DPP10: variants seen among roughly 807,000 people sequenced by gnomAD.
DPP10 encodes inactive dipeptidyl peptidase 10.
In DPP10, 33 loss-of-function variants were observed where a neutral mutation model predicts 120.9. The observed-to-expected ratio is 0.27, with a 90% CI of 0.21 to 0.37. DPP10 has a LOEUF of 0.37. DPP10 is among the 10% of genes least tolerant of loss of function. The pLI is 1.00. For synonymous variants in DPP10, 337 were observed against 326.1 expected (o/e 1.03, Z -0.36); for missense variants, 816 against 942.8 (o/e 0.87, Z 1.76).
chr2:114,969,844 A>G (rs2104779130), intron 1 of DPP10, among the ~76,000 whole-genome samples: 1 of 152,310 alleles, frequency 6.6e-6, no homozygotes. Flanking sequence ...TCAATAGAGA[A>G]GAAAGCCCCC....
At chr2:115,034,130 C>A (rs560780975) in intron 1 of DPP10, among the ~76,000 whole-genome samples, 1 of 151,694 alleles carries the variant, frequency 6.6e-6, no homozygotes, top group Non-Finnish European at 1.5e-5. Flanking sequence ...CTTTTGACCT[C>A]GTGATCTGCC....
chr2:114,965,141 T>A (rs1386932819), intron 1 of DPP10, among the ~76,000 whole-genome samples: 2 of 151,956 alleles, frequency 1.3e-5, no homozygotes, highest in Non-Finnish European at 2.9e-5. Context: ...CTTTCTTTCT[T>A]TCTTTCTTTT....
intron 1 of DPP10, among the ~76,000 whole-genome samples, chr2:115,035,640 C>T (rs1030294435): frequency 6.6e-6 from 1 of 152,162 alleles, no homozygotes; most frequent in African/African-American, 2.4e-5. Flanking sequence ...TTATAACCCA[C>T]TTCATTCCTC....
At chr2:115,590,669 T>A (rs2082601661) in intron 5 of DPP10, among the ~76,000 whole-genome samples, 1 of 152,228 alleles carries the variant, frequency 6.6e-6, no homozygotes. Context: ...TTACAGTCCT[T>A]TGGGTATATA....
intron 4 of DPP10, among the ~76,000 whole-genome samples, chr2:115,513,499 T>C (rs1359159640): frequency 1.3e-5 from 2 of 151,972 alleles, no homozygotes; most frequent in South Asian, 4.1e-4. Context: ...TATTTTCTGC[T>C]GTATCTTTTA....
chr2:114,801,207 G>A (rs1684178086), intron 1 of DPP10, among the ~76,000 whole-genome samples: 1 of 148,296 alleles, frequency 6.7e-6, no homozygotes. Flanking sequence ...AGATTGCGGT[G>A]AGCCGAGATT....
chr2:115,402,954 T>TAC lies in DPP10; in HGVS notation c.271+59043_271+59044insCA, dbSNP rs200725783. ...GTATATATATATGTGTGTGTGTATATATATATATATGTATATATATATGGC... is the reference window on the plus strand; with the variant it reads ...GTATATATATATGTGTGTGTGTATATACATATATATATGTATATATATATGGC... On this transcript the variant is annotated intron_variant, in intron 3 of 25. Coordinates refer to ENST00000410059, the MANE Select transcript of DPP10 (RefSeq NM_020868.6). 2.4e-3 allele frequency among the ~76,000 whole-genome samples: 359 copies of TAC among 146,780 alleles called. 6 individuals carry two copies. The highest frequency in any genetic ancestry group is 8.7e-3 in the African/African-American group (348 of 40,084).
At chr2:115,840,715 T>A (rs775350426) in intron 24 of DPP10, 35 bp from the exon 25 acceptor site, 14 of 1,589,536 alleles carry the variant, frequency 8.8e-6, no homozygotes, top group Non-Finnish European at 1.1e-5. Flanking sequence ...ACAAGCAGTG[T>A]GTTTCTTCAG....
chr2:114,685,843 G>A (rs902263153), intron 1 of DPP10, among the ~76,000 whole-genome samples: 1 of 151,802 alleles, frequency 6.6e-6, no homozygotes, highest in South Asian at 2.1e-4. Flanking sequence ...TTTCCTATCC[G>A]GTCTTCTTGC....
Position 114,637,192 on chromosome 2 carries a change from A to G in DPP10, c.60+194354A>G, listed in dbSNP as rs146079406. Among the ~76,000 whole-genome samples the G allele has an allele frequency of 2.6e-5, 4 of 152,118 alleles. No homozygotes were observed. The East Asian group carries it at 5.8e-4, about 22-fold the overall frequency. ...TGTTTCAAATATTTAGCCTTGGAAT[A>G]AAACGTTAACACAGTATAATATAAA... On this transcript the variant is annotated intron_variant, in intron 1 of 25. Coordinates refer to ENST00000410059, the MANE Select transcript of DPP10 (RefSeq NM_020868.6).
intron 1 of DPP10, among the ~76,000 whole-genome samples, chr2:115,212,895 T>C (rs920149016): frequency 6.6e-6 from 1 of 152,156 alleles, no homozygotes; most frequent in Non-Finnish European, 1.5e-5. Context: ...TTCACATTGG[T>C]TTATCACATA....
Position 115,369,092 on chromosome 2 carries a change from G to A in DPP10, c.271+25180G>A, listed in dbSNP as rs186626804. ...TGAAATGATTTCCTGAGAATTGATT[G>A]CATGCCGGATGCTAATCTTTACTAC... is the stretch of plus-strand genomic sequence containing the variant. On this transcript the variant is annotated intron_variant, in intron 3 of 25. Transcript: ENST00000410059. Among the ~76,000 whole-genome samples the A allele has an allele frequency of 1.2e-3, 190 of 152,060 alleles. 1 individual carries two copies. The highest frequency in any genetic ancestry group is 2.2e-3 in the Non-Finnish European group (152 of 67,910).
At chr2:115,764,283 A>G (rs1403125591) in intron 12 of DPP10, among the ~76,000 whole-genome samples, 1 of 152,202 alleles carries the variant, frequency 6.6e-6, no homozygotes, top group Admixed American at 6.6e-5. Context: ...AAAAAGGATT[A>G]TAAATAATTG....
intron 5 of DPP10, among the ~76,000 whole-genome samples, chr2:115,540,825 A>C (rs184656580): frequency 6.6e-6 from 1 of 151,852 alleles, no homozygotes; most frequent in Non-Finnish European, 1.5e-5. Context: ...ATAGAAGAGC[A>C]CTTTTTTGCA....
intron 5 of DPP10, among the ~76,000 whole-genome samples, chr2:115,564,738 T>C (rs111422515): frequency 2.0e-5 from 3 of 152,344 alleles, no homozygotes; most frequent in African/African-American, 7.2e-5. Context: ...AAATGTCAAT[T>C]TGAAGCAGTG....
chr2:115,742,410 T>A (rs1677395720), intron 9 of DPP10, among the ~76,000 whole-genome samples: 1 of 152,146 alleles, frequency 6.6e-6, no homozygotes, highest in Non-Finnish European at 1.5e-5. Flanking sequence ...TCATTTTATA[T>A]ATATGCAAAT....
At chr2:114,553,916 AG>A (rs1403513096) in intron 1 of DPP10, among the ~76,000 whole-genome samples, 1 of 152,238 alleles carries the variant, frequency 6.6e-6, no homozygotes, top group African/African-American at 2.4e-5. Context: ...AGATCACACA[AG>A]ATTCCATCTT....
At chr2:114,630,571 TG>T (rs1172024455) in intron 1 of DPP10, among the ~76,000 whole-genome samples, 1 of 152,138 alleles carries the variant, frequency 6.6e-6, no homozygotes, top group East Asian at 1.9e-4. Context: ...ATCTCAAGCT[TG>T]GTTTAAACCC....
chr2:115,183,427 T>C (rs1237024335), intron 1 of DPP10, among the ~76,000 whole-genome samples: 1 of 152,162 alleles, frequency 6.6e-6, no homozygotes, highest in Non-Finnish European at 1.5e-5. Context: ...CTTGCCTCCC[T>C]CAGGCTTTGA....
Sources: allele counts gnomAD v4.1 joint callset (sites outside exome capture counted in the v4.1 genomes callset), GRCh38; gene constraint gnomAD v4.1.1; transcripts MANE v1.5; gene names NCBI Gene and HGNC (gene_info 2026-07-23, HGNC 2026-07-21).